Variants in KIF26B observed in about 807,000 individuals in gnomAD.
KIF26B encodes the protein kinesin-like protein KIF26B.
KIF26B carries 63 observed loss-of-function variants against 151.2 expected under a neutral mutation model. The ratio of observed to expected loss-of-function variants is 0.42; its 90% CI spans 0.34 to 0.51. KIF26B has a LOEUF of 0.51. Ranked by LOEUF, KIF26B falls within the 20% of genes least tolerant of loss-of-function variation. The pLI is 0.07. For synonymous variants in KIF26B, 1,357 were observed against 1,262.1 expected, an observed-to-expected ratio of 1.08 and a Z score of -1.59; for missense variants, 2,813 against 2,913.6, an observed-to-expected ratio of 0.97 and a Z score of 0.79.
chr1:245,361,904 G>A (rs1033792888), intron 2 of KIF26B, among the ~76,000 whole-genome samples: 2 of 151,858 alleles, frequency 1.3e-5, no homozygotes, highest in Admixed American at 1.3e-4. Flanking sequence ...GCAGATGATA[G>A]AACCTTGAGG....
rs1674078686 is a variant in KIF26B, at chr1:245,404,206, C to T, written c.1000-15373C>T. ...TCATTTTTGAGGAATTGCAACAAGA[C>T]TGATTTTTTTTTTTTTTTATAAAGC... On this transcript the variant is annotated intron_variant, in intron 3 of 14. Coordinates refer to ENST00000407071, the MANE Select transcript of KIF26B (RefSeq NM_018012.4). 3.7e-5 allele frequency among the ~76,000 whole-genome samples: 4 copies of T among 109,086 alleles called. No individual in the cohort carries two copies. In the Admixed American group the frequency reaches 4.0e-4, roughly 11 times the overall value. The allele number at this position is 109,086 out of a possible 152,430, so 71.6% of individuals were successfully genotyped here.
chr1:245,666,679 T>C (rs779212489), intron 10 of KIF26B, among the ~76,000 whole-genome samples: 2 of 152,150 alleles, frequency 1.3e-5, no homozygotes, highest in Admixed American at 1.3e-4. Flanking sequence ...GAGATGACGC[T>C]TGTGGCCCTT....
At chr1:245,282,497 TC>T (rs1671075538) in intron 2 of KIF26B, among the ~76,000 whole-genome samples, 1 of 152,326 alleles carries the variant, frequency 6.6e-6, no homozygotes, top group African/African-American at 2.4e-5. Flanking sequence ...CCCCACCTGT[TC>T]CTAGCAACAT....
chr1:245,614,993 A>T (rs1279625721), intron 9 of KIF26B: 1 of 99,942 alleles, frequency 1.0e-5, no homozygotes, highest in African/African-American at 7.2e-5. Flanking sequence ...GACCTTTAAA[A>T]TCGGATAGGG....
At chr1:245,624,394 T>G (rs72762899) in intron 9 of KIF26B, among the ~76,000 whole-genome samples, 4 of 152,040 alleles carry the variant, frequency 2.6e-5, no homozygotes, top group Non-Finnish European at 5.9e-5. Flanking sequence ...ATATGGGGAG[T>G]TCCCGTTCCT....
intron 2 of KIF26B, among the ~76,000 whole-genome samples, chr1:245,221,568 G>A (rs566431064): frequency 8.5e-4 from 128 of 150,506 alleles, no homozygotes; most frequent in African/African-American, 3.1e-3. Flanking sequence ...CACCACGTCC[G>A]GCTAATTTTT....
At chr1:245,621,309 T>G (rs1009138323) in intron 9 of KIF26B, among the ~76,000 whole-genome samples, 3 of 152,172 alleles carry the variant, frequency 2.0e-5, no homozygotes, top group Non-Finnish European at 2.9e-5. Flanking sequence ...CTTGGGTGAT[T>G]TATTTAACTT....
chr1:245,559,746 A>G (rs560643814), intron 5 of KIF26B, among the ~76,000 whole-genome samples: 4 of 151,212 alleles, frequency 2.6e-5, no homozygotes, highest in Non-Finnish European at 4.4e-5. Flanking sequence ...GGGTCTTACT[A>G]TGTTGCCCAG....
intron 2 of KIF26B, among the ~76,000 whole-genome samples, chr1:245,221,396 A>T (rs1169878773): frequency 6.6e-6 from 1 of 150,746 alleles, no homozygotes; most frequent in African/African-American, 2.4e-5. Context: ...AAAAAAAAAA[A>T]AAATTCTGTT....
chr1:245,189,786 A>G (rs543706735), intron 2 of KIF26B, among the ~76,000 whole-genome samples: 1 of 152,372 alleles, frequency 6.6e-6, no homozygotes, highest in Admixed American at 6.5e-5. Context: ...AAAGACACAC[A>G]TGAGACTGGG....
chr1:245,621,746 T>C (rs1028116410), intron 9 of KIF26B, among the ~76,000 whole-genome samples: 149 of 152,364 alleles, frequency 9.8e-4, no homozygotes, highest in African/African-American at 3.4e-3. Context: ...TAATAGCAAG[T>C]GGCCTGTGCT....
intron 2 of KIF26B, among the ~76,000 whole-genome samples, chr1:245,215,148 C>A (rs960600060): frequency 2.0e-5 from 3 of 152,082 alleles, no homozygotes; most frequent in Non-Finnish European, 4.4e-5. Context: ...GCTGTTTGTC[C>A]TCTCTTGCTT....
chr1:245,160,167 A>G (rs555814143), intron 2 of KIF26B, among the ~76,000 whole-genome samples: 1 of 152,308 alleles, frequency 6.6e-6, no homozygotes, highest in African/African-American at 2.4e-5. Context: ...TTACCTGGTG[A>G]GTAGACGTTT....
chr1:245,230,755 GAAAA>G (rs369393026), intron 2 of KIF26B, among the ~76,000 whole-genome samples: 118 of 149,178 alleles, frequency 7.9e-4, no homozygotes, highest in African/African-American at 2.3e-3. Context: ...AAAAAAAAAA[GAAAA>G]GAAAGAAAGG....
intron 2 of KIF26B, among the ~76,000 whole-genome samples, chr1:245,197,103 G>A (rs75416283): frequency 0.02 from 3,092 of 152,216 alleles, 111 homozygotes; most frequent in African/African-American, 0.071. Context: ...TGCATCACCC[G>A]ACCAATTATT....
chr1:245,200,658 A>C (rs1669281307), intron 2 of KIF26B, among the ~76,000 whole-genome samples: 1 of 152,184 alleles, frequency 6.6e-6, no homozygotes, highest in South Asian at 2.1e-4. Flanking sequence ...AGGGGTAAAA[A>C]ATTGTTACCA....
In KIF26B at chr1:245,698,895, G is replaced by A. The variant is rs762754972; in HGVS notation, c.6036G>A (p.Met2012Ile). The A allele has an allele frequency of 3.7e-6, 6 of 1,613,822 alleles. No individual in the cohort carries two copies. The Admixed American group carries it at 1.0e-4, about 27-fold the overall frequency. Reference protein sequence around the residue: ...RRRGGASKEAMCFNAKLKILE... With the variant: ...RRRGGASKEAICFNAKLKILE... Reference sequence around the variant, plus strand: ...CTCTGTCTGTGTGCTAGGAGGCCATGTGCTTCAATGCAAAGCTGAAGATTC... The same window carrying A: ...CTCTGTCTGTGTGCTAGGAGGCCATATGCTTCAATGCAAAGCTGAAGATTC... Residue 2012 changes from methionine (M) to isoleucine (I), a missense_variant, in exon 14 of 15, where the codon ATG becomes ATA. Coordinates refer to ENST00000407071, the MANE Select transcript of KIF26B (RefSeq NM_018012.4). This position sits in a 1 kb window ranked among gnomAD's most constrained non-coding sequence, Gnocchi z 4.0.
intron 3 of KIF26B, among the ~76,000 whole-genome samples, chr1:245,403,946 T>C (rs1002100283): frequency 1.3e-5 from 2 of 152,184 alleles, no homozygotes; most frequent in Non-Finnish European, 2.9e-5. Context: ...GTATCAAAAA[T>C]TGTAGTTTGG....
At chr1:245,701,164 TGAGA>T (rs1266097274) in intron 14 of KIF26B, among the ~76,000 whole-genome samples, 1 of 152,170 alleles carries the variant, frequency 6.6e-6, no homozygotes, top group Non-Finnish European at 1.5e-5. Flanking sequence ...TTTTTGATGC[TGAGA>T]AAGAAAATGA....
Sources: allele counts gnomAD v4.1 joint callset (sites outside exome capture counted in the v4.1 genomes callset), GRCh38; gene constraint gnomAD v4.1.1; non-coding constraint Gnocchi (gnomAD v3.1); transcripts MANE v1.5; gene names NCBI Gene and HGNC (gene_info 2026-07-23, HGNC 2026-07-21).